NDST3: variants seen among roughly 807,000 people sequenced by gnomAD.
The protein encoded by NDST3 is N-deacetylase and N-sulfotransferase 3.
A neutral mutation model predicts 96.1 loss-of-function variants in NDST3; 58 were observed. The ratio of observed to expected loss-of-function variants is 0.60; its 90% CI spans 0.49 to 0.75. NDST3 has a LOEUF of 0.75. Among genes scored for constraint, NDST3 ranks in the 30% least tolerant of loss-of-function variants. NDST3 has a pLI of 0.00. For missense variants in NDST3, 788 were observed against 1,034.2 expected (o/e 0.76, Z 3.27); for synonymous variants, 333 against 359.7 (o/e 0.93, Z 0.84).
At position 118,214,373 on chromosome 4, in the gene NDST3, A is replaced by G. The variant is rs553094116; in HGVS notation, c.1540-10118A>G. ...AGATGTACTGTAAATATAAAACACC[A>G]CACCAGATTTTGAAGACTTCATATT... On this transcript the variant is annotated intron_variant, in intron 6 of 13. Coordinates refer to ENST00000296499, the MANE Select transcript of NDST3 (RefSeq NM_004784.3). Among the ~76,000 whole-genome samples the G allele has an allele frequency of 2.6e-5, 4 of 152,284 alleles. No individual in the cohort carries two copies. In the East Asian group the frequency reaches 7.7e-4, roughly 29 times the overall value.
chr4:118,244,336 T>C (rs1741179317), intron 12 of NDST3, among the ~76,000 whole-genome samples: 1 of 152,212 alleles, frequency 6.6e-6, no homozygotes, highest in Non-Finnish European at 1.5e-5. Flanking sequence ...TGTAGTGCTT[T>C]GGAAATACTG....
At chr4:118,076,848 GT>G (rs769617587) in intron 2 of NDST3, among the ~76,000 whole-genome samples, 18 of 152,138 alleles carry the variant, frequency 1.2e-4, no homozygotes, top group Non-Finnish European at 2.6e-4. Flanking sequence ...TACTTCAGTC[GT>G]TTTGAGGTAA....
At chr4:118,185,031 A>G (rs1481260451) in intron 6 of NDST3, among the ~76,000 whole-genome samples, 2 of 152,192 alleles carry the variant, frequency 1.3e-5, no homozygotes, top group Non-Finnish European at 2.9e-5. Flanking sequence ...TTTTTGTACA[A>G]CATATCCTAT....
chr4:118,061,004 C>T (rs1013415462), intron 2 of NDST3, among the ~76,000 whole-genome samples: 7 of 152,128 alleles, frequency 4.6e-5, no homozygotes, highest in Non-Finnish European at 8.8e-5. Flanking sequence ...TGATTCTCAG[C>T]TTCTACACCT....
At chr4:118,245,702 A>G (rs1379675252) in intron 12 of NDST3, among the ~76,000 whole-genome samples, 1 of 152,232 alleles carries the variant, frequency 6.6e-6, no homozygotes, top group Non-Finnish European at 1.5e-5. Flanking sequence ...GGGAAAAGAA[A>G]AAAATAGTCT....
chr4:118,135,212 A>G (rs1732974717), intron 4 of NDST3, among the ~76,000 whole-genome samples: 1 of 152,134 alleles, frequency 6.6e-6, no homozygotes, highest in South Asian at 2.1e-4. Flanking sequence ...AGCTGGAACT[A>G]CTCGGCAGTG....
intron 6 of NDST3, among the ~76,000 whole-genome samples, chr4:118,223,402 C>A (rs984832106): frequency 6.6e-6 from 1 of 151,992 alleles, no homozygotes; most frequent in African/African-American, 2.4e-5. Flanking sequence ...CATTGGTCTG[C>A]TGGTACAGAC....
chr4:118,170,243 A>C (rs1735846161), intron 6 of NDST3, among the ~76,000 whole-genome samples: 1 of 152,218 alleles, frequency 6.6e-6, no homozygotes. Context: ...GGGAAATTTA[A>C]ATCTGGACTG....
At chr4:118,194,510 C>T in intron 6 of NDST3, 1 of 720,498 alleles carries the variant, frequency 1.4e-6, no homozygotes, top group Non-Finnish European at 2.6e-6. Flanking sequence ...CTCCCCTTTT[C>T]CCAGGTCAAA....
At chr4:118,107,920 T>C (rs1001715991) in intron 3 of NDST3, among the ~76,000 whole-genome samples, 2 of 152,124 alleles carry the variant, frequency 1.3e-5, no homozygotes, top group African/African-American at 4.8e-5. Context: ...AACATATACC[T>C]GAGACTGGGT....
At chr4:118,103,001 T>G (rs1309270994) in intron 2 of NDST3, among the ~76,000 whole-genome samples, 3 of 152,144 alleles carry the variant, frequency 2.0e-5, no homozygotes, top group Admixed American at 6.6e-5. Flanking sequence ...AATCATTGTA[T>G]TCTAGTTGAC....
intron 6 of NDST3, among the ~76,000 whole-genome samples, chr4:118,153,662 A>G (rs910735126): frequency 1.3e-5 from 2 of 152,076 alleles, no homozygotes; most frequent in African/African-American, 4.8e-5. Context: ...AGTCTATACT[A>G]AAAATACAAA....
chr4:118,247,193 C>A (rs1442028219), intron 12 of NDST3, among the ~76,000 whole-genome samples: 3 of 99,172 alleles, frequency 3.0e-5, no homozygotes, highest in African/African-American at 1.2e-4. Flanking sequence ...TATATCCACA[C>A]ACCAGGGGGG....
At chr4:118,046,683 GC>G (rs983007054) in intron 1 of NDST3, among the ~76,000 whole-genome samples, 2 of 152,118 alleles carry the variant, frequency 1.3e-5, no homozygotes, top group Non-Finnish European at 2.9e-5. Flanking sequence ...GAAGGATGGA[GC>G]CCCAATTCCA....
chr4:118,044,333 C>A (rs1016539798), intron 1 of NDST3, among the ~76,000 whole-genome samples: 12 of 152,314 alleles, frequency 7.9e-5, no homozygotes, highest in African/African-American at 2.2e-4. Context: ...ACTATAATTA[C>A]AATGAAAACT....
Position 118,143,548 on chromosome 4 carries a change from T to C in NDST3, c.1411-8T>C, listed in dbSNP as rs1714853025. ...AGCTTTTCCTTACTTTTTTCATTTT[T>C]CCTTCAGGTTCTCCCAAGACAAACC... On this transcript the variant is annotated splice_polypyrimidine_tract_variant and splice_region_variant and intron_variant, in intron 5 of 13. Transcript: ENST00000296499. 6.3e-7 allele frequency: 1 copy of C among 1,590,054 alleles called. No homozygotes were observed. The highest frequency in any genetic ancestry group is 8.5e-7 in the Non-Finnish European group (1 of 1,173,996).
chr4:118,070,917 G>T (rs1232578995), intron 2 of NDST3, among the ~76,000 whole-genome samples: 1 of 151,754 alleles, frequency 6.6e-6, no homozygotes, highest in African/African-American at 2.4e-5. Flanking sequence ...TTGTCCTTGC[G>T]ATAGCTTGCT....
At chr4:118,173,001 A>G (rs1736048981) in intron 6 of NDST3, among the ~76,000 whole-genome samples, 2 of 152,116 alleles carry the variant, frequency 1.3e-5, no homozygotes, top group Middle Eastern at 3.2e-3. Flanking sequence ...AGACAAGAAC[A>G]AGGAAATAAA....
At chr4:118,213,702 A>G (rs1239561338) in intron 6 of NDST3, among the ~76,000 whole-genome samples, 1 of 150,096 alleles carries the variant, frequency 6.7e-6, no homozygotes, top group Non-Finnish European at 1.5e-5. Flanking sequence ...AAAATTTTAT[A>G]TAAAAATAAT....
Sources: allele counts gnomAD v4.1 joint callset (sites outside exome capture counted in the v4.1 genomes callset), GRCh38; gene constraint gnomAD v4.1.1; transcripts MANE v1.5; gene names NCBI Gene and HGNC (gene_info 2026-07-23, HGNC 2026-07-21).